The following USH2A variants were observed in gnomAD, a reference collection of about 807,000 sequenced individuals.
USH2A encodes the protein Usher syndrome 2A (autosomal recessive, mild).
USH2A carries 443 observed loss-of-function variants against 538.9 expected under a neutral mutation model. The ratio of observed to expected loss-of-function variants is 0.82; its 90% CI spans 0.76 to 0.89. The LOEUF is 0.89. USH2A is among the 40% of genes least tolerant of loss of function. USH2A has a pLI of 0.00. For synonymous variants in USH2A, 2,413 were observed against 2,273.5 expected (o/e 1.06, Z -1.75); for missense variants, 6,633 against 6,324.8 (o/e 1.05, Z -1.65).
At chr1:215,678,505 G>A (rs12092186) in intron 62 of USH2A, among the ~76,000 whole-genome samples, 5,278 of 152,266 alleles carry the variant, frequency 0.035, 282 homozygotes, top group African/African-American at 0.12. Flanking sequence ...ACTCTGTCTT[G>A]TCATTCAGGA....
At position 215,878,768 on chromosome 1, in the gene USH2A, A is replaced by G; in HGVS notation, c.8554T>C (p.Leu2852=). The G allele has an allele frequency of 6.2e-7, 1 of 1,613,938 alleles. No individual in the cohort carries two copies. Residue 2852 remains leucine (L), a synonymous_variant, in exon 42 of 72, where the codon TTG becomes CTG. Coordinates refer to ENST00000307340, the MANE Select transcript of USH2A (RefSeq NM_206933.4). ...ATCATAGTCACCTTCTCTTACCTCA[A>G]ATTAGGTCCATTTGGCTTGGATGGT... is the stretch of plus-strand genomic sequence containing the variant. ...QPPSKPNGPN[L]RYELLRRKIQ... is the part of the protein sequence containing the mutation.
chr1:215,962,627 C>T (rs1159208989), intron 37 of USH2A, among the ~76,000 whole-genome samples: 1 of 148,868 alleles, frequency 6.7e-6, no homozygotes, highest in African/African-American at 2.5e-5. Flanking sequence ...TATGTATTTA[C>T]AAATGGGGGA....
chr1:216,014,166 T>C (rs927089153), intron 32 of USH2A, among the ~76,000 whole-genome samples: 1 of 151,466 alleles, frequency 6.6e-6, no homozygotes, highest in African/African-American at 2.4e-5. Context: ...AAATTCTTGG[T>C]AAAACAGGAG....
At chr1:216,188,275 T>C (rs904642396) in intron 20 of USH2A, among the ~76,000 whole-genome samples, 1 of 151,900 alleles carries the variant, frequency 6.6e-6, no homozygotes, top group African/African-American at 2.4e-5. Flanking sequence ...GATTCTATTC[T>C]GTAGACATGT....
chr1:215,803,022 C>T (rs993367760), intron 49 of USH2A, among the ~76,000 whole-genome samples: 12 of 152,054 alleles, frequency 7.9e-5, no homozygotes, highest in East Asian at 3.9e-4. Flanking sequence ...ACAGAACCAG[C>T]GACAAAAACC....
intron 30 of USH2A, among the ~76,000 whole-genome samples, chr1:216,050,518 A>T (rs1241931154): frequency 2.0e-5 from 3 of 147,832 alleles, no homozygotes; most frequent in African/African-American, 7.5e-5. Flanking sequence ...TACCATTGCA[A>T]CTCAGTTTCT....
chr1:216,398,715 G>T (rs184702625), intron 3 of USH2A, among the ~76,000 whole-genome samples: 2 of 152,264 alleles, frequency 1.3e-5, no homozygotes. Context: ...GGGCCAAGAG[G>T]CAGCTAACCT....
intron 15 of USH2A, among the ~76,000 whole-genome samples, chr1:216,209,985 C>G (rs1019579837): frequency 6.6e-6 from 1 of 152,050 alleles, no homozygotes; most frequent in African/African-American, 2.4e-5. Context: ...TTAGAGCCGG[C>G]CATAAGGAAA....
intron 61 of USH2A, among the ~76,000 whole-genome samples, chr1:215,705,153 TAAGA>T (rs1398182005): frequency 1.3e-5 from 2 of 152,228 alleles, no homozygotes; most frequent in African/African-American, 2.4e-5. Flanking sequence ...TATGTATCCC[TAAGA>T]AAGAGAAAAA....
chr1:216,111,695 AC>A (rs2032874056), intron 21 of USH2A, among the ~76,000 whole-genome samples: 1 of 151,166 alleles, frequency 6.6e-6, no homozygotes, highest in South Asian at 2.1e-4. Context: ...CTCAAAATAT[AC>A]TTTTTTCAGG....
chr1:216,375,752 T>C (rs914821423), intron 3 of USH2A, among the ~76,000 whole-genome samples: 5 of 152,186 alleles, frequency 3.3e-5, no homozygotes, highest in Admixed American at 6.6e-5. Flanking sequence ...ACTTTCTACA[T>C]GCCTTCCTCA....
In USH2A at chr1:216,217,506, G is replaced by C; in HGVS notation, c.3038C>G (p.Thr1013Ser). The change falls in exon 15 of 72, where the codon ACC (threonine) becomes AGC (serine). Residue 1013 changes from threonine to serine, a missense_variant. Thr to Ser is a moderately conservative substitution (Grantham distance 58). Transcript: ENST00000307340. ...NCHLSGALNE[T>S]CHLVTGQCFC... ...ACACTGGCCTGTGACCAAGTGACAG[G>C]TTTCATTCAAGGCTCCTGAGAGATG... 6.2e-7 allele frequency: 1 copy of C among 1,613,248 alleles called. No individual in the cohort carries two copies. Among genetic ancestry groups the C allele is most frequent in the Non-Finnish European group, 8.5e-7 (1 of 1,179,442 alleles).
chr1:215,876,868 G>A (rs1664787019), intron 43 of USH2A, among the ~76,000 whole-genome samples: 1 of 152,304 alleles, frequency 6.6e-6, no homozygotes, highest in South Asian at 2.1e-4. Context: ...TGGCTGGAAT[G>A]CAGAGGCCTT....
intron 21 of USH2A, among the ~76,000 whole-genome samples, chr1:216,113,689 T>C (rs115869868): frequency 1.3e-5 from 2 of 151,912 alleles, no homozygotes; most frequent in Non-Finnish European, 2.9e-5. Flanking sequence ...AGTCATTTAC[T>C]TTTTTTTAAC....
At chr1:216,344,109 T>A (rs1311584713) in intron 4 of USH2A, among the ~76,000 whole-genome samples, 2 of 152,192 alleles carry the variant, frequency 1.3e-5, no homozygotes, top group East Asian at 3.9e-4. Flanking sequence ...GATTACAGAT[T>A]TAAAACTATG....
chr1:216,386,781 G>C (rs2039016041), intron 3 of USH2A, among the ~76,000 whole-genome samples: 1 of 151,720 alleles, frequency 6.6e-6, no homozygotes, highest in African/African-American at 2.4e-5. Context: ...AGCGAACCCG[G>C]GAGGCGGAGC....
Position 215,982,400 on chromosome 1 carries a change from T to A in USH2A, c.6805+10620A>T, listed in dbSNP as rs1441879820. 2.0e-5 allele frequency among the ~76,000 whole-genome samples: 3 copies of A among 152,214 alleles called. No homozygotes were observed. In the East Asian group the frequency reaches 5.8e-4, roughly 29 times the overall value. On this transcript the variant is annotated intron_variant, in intron 35 of 71. Coordinates refer to ENST00000307340, the MANE Select transcript of USH2A (RefSeq NM_206933.4). ...GCTCACCTTAGACTATCTCCTCCAA[T>A]TCTGACCTATGTCATGTGCTGCACT...
chr1:215,913,528 T>G (rs1365570734), intron 38 of USH2A, among the ~76,000 whole-genome samples: 1 of 152,070 alleles, frequency 6.6e-6, no homozygotes, highest in Admixed American at 6.6e-5. Context: ...GACACTGGTC[T>G]TGTAGGACAG....
intron 11 of USH2A, among the ~76,000 whole-genome samples, chr1:216,281,282 A>G (rs1182639496): frequency 1.3e-5 from 2 of 151,272 alleles, no homozygotes; most frequent in African/African-American, 2.4e-5. Flanking sequence ...CTCTGGCTAT[A>G]TATCAGGTTG....
Sources: gnomAD v4.1 joint callset for allele counts (sites outside exome capture counted in the v4.1 genomes callset) on GRCh38, gnomAD v4.1.1 for gene constraint, MANE v1.5 for transcripts, NCBI Gene and HGNC (gene_info 2026-07-23, HGNC 2026-07-21) for gene names.